Variants in BAIAP2L1 observed in about 807,000 individuals in gnomAD.
BAIAP2L1 encodes BAR/IMD domain containing adaptor protein 2 like 1.
Under a neutral mutation model 66.3 loss-of-function variants are expected in BAIAP2L1, and 35 were observed. The observed-to-expected ratio is 0.53, with a 90% CI of 0.40 to 0.70. The LOEUF (loss-of-function observed/expected upper bound fraction) is 0.70. BAIAP2L1 is among the 30% of genes least tolerant of loss of function. The pLI is 0.00. For missense variants in BAIAP2L1, 622 were observed against 656.9 expected (o/e 0.95, Z 0.58); for synonymous variants, 269 against 248.7 (o/e 1.08, Z -0.77).
chr7:98,353,578 T>C (rs1311554256), intron 3 of BAIAP2L1, among the ~76,000 whole-genome samples: 12 of 137,960 alleles, frequency 8.7e-5, no homozygotes, highest in Non-Finnish European at 1.8e-4. Flanking sequence ...ATATTATAAA[T>C]ACATATATAT....
chr7:98,366,219 T>A (rs1187918771), intron 1 of BAIAP2L1, among the ~76,000 whole-genome samples: 4 of 151,666 alleles, frequency 2.6e-5, no homozygotes, highest in Admixed American at 2.6e-4. Context: ...GGAACTCCTC[T>A]GTTTTCAGCT....
intron 3 of BAIAP2L1, among the ~76,000 whole-genome samples, chr7:98,351,695 CCT>C (rs1414401194): frequency 6.6e-6 from 1 of 152,146 alleles, no homozygotes; most frequent in Non-Finnish European, 1.5e-5. Context: ...AAACTGACAA[CCT>C]GCTGCTCCTC....
intron 1 of BAIAP2L1, among the ~76,000 whole-genome samples, chr7:98,387,643 T>C (rs941148758): frequency 2.0e-5 from 3 of 151,796 alleles, no homozygotes; most frequent in Admixed American, 2.0e-4. Flanking sequence ...GAGGACTGCT[T>C]GAGCCCAGGA....
At chr7:98,391,442 C>T (rs1421709553) in intron 1 of BAIAP2L1, among the ~76,000 whole-genome samples, 2 of 152,096 alleles carry the variant, frequency 1.3e-5, no homozygotes, top group African/African-American at 4.8e-5. Context: ...GGCACAGTGG[C>T]TCACGCCTGT....
intron 12 of BAIAP2L1, 118 bp from the exon 13 acceptor site, chr7:98,294,229 G>A (rs1166137445): frequency 2.9e-6 from 3 of 1,037,062 alleles, no homozygotes; most frequent in African/African-American, 1.6e-5. Context: ...CTGAGCTCAC[G>A]TGATCCTTCC....
intron 6 of BAIAP2L1, 29 bp downstream of exon 6, chr7:98,317,190 A>G (rs776612785): frequency 1.2e-6 from 2 of 1,613,946 alleles, no homozygotes; most frequent in Non-Finnish European, 1.7e-6. Context: ...CAACAACAAA[A>G]GAAAACAAGA....
chr7:98,309,025 C>G (rs1321349273), intron 9 of BAIAP2L1: 1 of 151,956 alleles, frequency 6.6e-6, no homozygotes, highest in Non-Finnish European at 1.5e-5. Flanking sequence ...ATACAACAAG[C>G]ATCTTTAATT....
chr7:98,398,678 C>T (rs1803277861), intron 1 of BAIAP2L1, among the ~76,000 whole-genome samples: 1 of 152,070 alleles, frequency 6.6e-6, no homozygotes, highest in African/African-American at 2.4e-5. Flanking sequence ...CTGCCGTTTC[C>T]GTTCTTTGGG....
At chr7:98,311,550 A>G (rs115617433) in intron 8 of BAIAP2L1, among the ~76,000 whole-genome samples, 3,676 of 151,700 alleles carry the variant, frequency 0.024, 146 homozygotes, top group African/African-American at 0.084. Context: ...CAAAAACAAA[A>G]AAAATAAAAA....
chr7:98,374,136 A>G (rs777119302), intron 1 of BAIAP2L1, among the ~76,000 whole-genome samples: 1 of 152,000 alleles, frequency 6.6e-6, no homozygotes, highest in African/African-American at 2.4e-5. Flanking sequence ...TTTTGTAGAG[A>G]TGGGGTCTTG....
intron 1 of BAIAP2L1, among the ~76,000 whole-genome samples, chr7:98,390,011 G>A (rs1802993744): frequency 8.1e-6 from 1 of 123,724 alleles, no homozygotes; most frequent in Non-Finnish European, 2.0e-5. Context: ...CGCCTCCCGG[G>A]TTCACACCAT....
intron 3 of BAIAP2L1, among the ~76,000 whole-genome samples, chr7:98,349,712 C>T (rs1180073016): frequency 1.9e-4 from 27 of 140,938 alleles, no homozygotes; most frequent in Admixed American, 1.8e-3. Flanking sequence ...ATCTCTACTA[C>T]AAAAAAAAAA....
At chr7:98,350,239 T>G (rs1482916116) in intron 3 of BAIAP2L1, among the ~76,000 whole-genome samples, 2 of 152,048 alleles carry the variant, frequency 1.3e-5, no homozygotes, top group Non-Finnish European at 2.9e-5. Flanking sequence ...ATTCCCCCTG[T>G]TTTCAACCAC....
rs199713112 is a variant in BAIAP2L1 at position 98,304,147 on chromosome 7, G to A, written c.1422+49C>T. ...ACCACAGGACCTGCGCCTCCCAGTC[G>A]GGGATGGCGAGTCCAGGACCCAGGA... On this transcript the variant is annotated intron_variant, in intron 12 of 13. Coordinates refer to ENST00000005260, the MANE Select transcript of BAIAP2L1 (RefSeq NM_018842.5). 35 of 1,491,122 alleles carry A rather than the reference G, an allele frequency of 2.3e-5. No homozygotes were observed. The East Asian group carries it at 3.7e-4, about 16-fold the overall frequency. 92.4% of individuals were successfully genotyped at this position (1,491,122 alleles called of 1,614,324 possible).
chr7:98,361,366 A>AAAG (rs1802267854), intron 2 of BAIAP2L1, among the ~76,000 whole-genome samples: 1 of 151,518 alleles, frequency 6.6e-6, no homozygotes, highest in Non-Finnish European at 1.5e-5. Context: ...GGGAAAAAAA[A>AAAG]AAAGAAAGAA....
rs192706553 is a variant in BAIAP2L1, at chr7:98,326,170, G to A, written c.215-5872C>T. Reference sequence around the variant, plus strand: ...TGTGTGCCTGTGGTCCCAGCTACTCGGGAGGCTGGGGCAGGAGGATCACTT... The same window carrying A: ...TGTGTGCCTGTGGTCCCAGCTACTCAGGAGGCTGGGGCAGGAGGATCACTT... On this transcript the variant is annotated intron_variant, in intron 3 of 13. Coordinates refer to ENST00000005260, the MANE Select transcript of BAIAP2L1 (RefSeq NM_018842.5). 4.3e-4 allele frequency among the ~76,000 whole-genome samples: 66 copies of A among 152,232 alleles called. No homozygotes were observed. The East Asian group carries it at 0.012, about 28-fold the overall frequency.
chr7:98,319,215 T>C (rs1044342514), intron 5 of BAIAP2L1, among the ~76,000 whole-genome samples: 6 of 152,014 alleles, frequency 3.9e-5, no homozygotes, highest in Admixed American at 2.0e-4. Context: ...TTAAGTACTC[T>C]ATAGAGCAAG....
chr7:98,331,024 T>C (rs536287453), intron 3 of BAIAP2L1, among the ~76,000 whole-genome samples: 1 of 152,216 alleles, frequency 6.6e-6, no homozygotes, highest in South Asian at 2.1e-4. Context: ...ATCCAAACTA[T>C]ATCAAATAGA....
At chr7:98,365,857 GGT>G (rs769249136) in intron 1 of BAIAP2L1, among the ~76,000 whole-genome samples, 16 of 152,048 alleles carry the variant, frequency 1.1e-4, no homozygotes, top group Non-Finnish European at 1.8e-4. Context: ...TGAATTTTTT[GGT>G]GTGTTTTATT....
Sources: gnomAD v4.1 joint callset for allele counts (sites outside exome capture counted in the v4.1 genomes callset) on GRCh38, gnomAD v4.1.1 for gene constraint, MANE v1.5 for transcripts, NCBI Gene and HGNC (gene_info 2026-07-23, HGNC 2026-07-21) for gene names.